Variants in ELF3 observed in about 807,000 individuals in gnomAD.
ELF3 encodes the protein ETS-related transcription factor Elf-3.
ELF3 carries 18 observed loss-of-function variants against 43.9 expected under a neutral mutation model. That is an observed-to-expected ratio of 0.41 (90% CI 0.28 to 0.61). ELF3 has a LOEUF of 0.61. Ranked by LOEUF, ELF3 falls within the 20% of genes least tolerant of loss-of-function variation. ELF3 has a pLI of 0.30. For missense variants in ELF3, 373 were observed against 487.7 expected (o/e 0.76, Z 2.21); for synonymous variants, 181 against 190.2 (o/e 0.95, Z 0.40).
In ELF3 at chr1:202,012,408, C is replaced by A. The variant is rs1474528592; in HGVS notation, c.450C>A (p.Phe150Leu). ...IELLEKDGMAFQEALDPGPFD... is the reference protein window; with the variant it reads ...IELLEKDGMALQEALDPGPFD... Reference sequence around the variant, plus strand: ...TGCTGGAGAAGGATGGCATGGCCTTCCAGGAGGCCCTAGACCCAGGGCCCT... The same window carrying A: ...TGCTGGAGAAGGATGGCATGGCCTTACAGGAGGCCCTAGACCCAGGGCCCT... Residue 150 changes from phenylalanine (F) to leucine (L), a missense_variant, in exon 4 of 9, where the codon TTC (phenylalanine) becomes TTA (leucine). By Grantham distance (22) the Phe-to-Leu change is conservative (BLOSUM62 0). Transcript: ENST00000367284. This position sits in a 1 kb window ranked among gnomAD's most constrained non-coding sequence, Gnocchi z 4.2. 6.2e-7 allele frequency: 1 copy of A among 1,614,004 alleles called. No individual in the cohort carries two copies. The highest frequency in any genetic ancestry group is 8.5e-7 in the Non-Finnish European group (1 of 1,180,012).
Position 202,013,835 on chromosome 1 carries a change from G to C in ELF3, c.812G>C (p.Arg271Thr), listed in dbSNP as rs549132954. ...ATGGAGGCTGGCCTTGCAGCGCCCAGAGGCACCCACCTGTGGGAGTTCATC... is the reference window on the plus strand; with the variant it reads ...ATGGAGGCTGGCCTTGCAGCGCCCACAGGCACCCACCTGTGGGAGTTCATC... Reference protein sequence around the residue: ...LEGKKSKHAPRGTHLWEFIRD... With the variant: ...LEGKKSKHAPTGTHLWEFIRD... The change falls in exon 8 of 9, where the codon AGA (arginine) becomes ACA (threonine). Residue 271 changes from arginine (R) to threonine (T), a missense_variant. Arg to Thr is a moderately conservative substitution (Grantham distance 71). This residue lies in a region of ELF3 where 1 missense variants were observed against 20.6 expected (regional missense o/e 0.05). Transcript: ENST00000367284. This position sits in a 1 kb window ranked among gnomAD's most constrained non-coding sequence, Gnocchi z 5.7. The C allele has an allele frequency of 6.2e-7, 1 of 1,611,122 alleles. No individual in the cohort carries two copies. Among genetic ancestry groups the C allele is most frequent in the African/African-American group, 1.3e-5 (1 of 74,970 alleles).
At chr1:202,011,418 G>A in intron 2 of ELF3, 119 bp downstream of exon 2, 1 of 1,305,072 alleles carries the variant, frequency 7.7e-7, no homozygotes, top group South Asian at 1.6e-5. Context: ...CAGGGCTAGA[G>A]GCTGAGACTT....
chr1:202,011,619 C>G, intron 2 of ELF3: 1 of 462,112 alleles, frequency 2.2e-6, no homozygotes, highest in Non-Finnish European at 3.8e-6. Context: ...CGCCTGTAAT[C>G]CCAGCACTTT....
chr1:202,012,618 A>G lies in ELF3; in HGVS notation c.479-22A>G. On this transcript the variant is annotated intron_variant, in intron 4 of 8. Transcript: ENST00000367284. The surrounding 1 kb of genome is among the most constrained non-coding windows in gnomAD (Gnocchi z 4.2). The stretch of plus-strand genomic sequence containing the variant: ...GGTCTGGTCCCCTGAGCCCTCTCTG[A>G]GTTCTCACCTCCTCTTCCCAGACCA... 6.4e-7 allele frequency: 1 copy of G among 1,564,122 alleles called. No individual in the cohort carries two copies. Among genetic ancestry groups the G allele is most frequent in the Non-Finnish European group, 8.7e-7 (1 of 1,154,944 alleles).
rs1324378932 is a variant in ELF3 at position 202,012,726 on chromosome 1, C to T, written c.565C>T (p.Pro189Ser). The T allele has an allele frequency of 1.3e-6, 2 of 1,595,162 alleles. No homozygotes were observed. Among genetic ancestry groups the T allele is most frequent in the Non-Finnish European group, 1.7e-6 (2 of 1,171,460 alleles). The stretch of plus-strand genomic sequence containing the variant: ...CCCCGGCAGCTGTGGCGCAGGAGCC[C>T]CCTCCCCTGGCAGCTCTGACGTCTC... ...YHPGSCGAGA[P>S]SPGSSDVSTA... is the part of the protein sequence containing the mutation. Residue 189 changes from proline to serine, a missense_variant, in exon 5 of 9, where the codon CCC (proline) becomes TCC (serine). Pro to Ser is a moderately conservative substitution (Grantham distance 74). Transcript: ENST00000367284. This position sits in a 1 kb window ranked among gnomAD's most constrained non-coding sequence, Gnocchi z 4.2.
rs1430234983 is a variant in ELF3, at chr1:202,012,368, G to T, written c.410G>T (p.Ser137Ile). Residue 137 changes from serine (S) to isoleucine (I), a missense_variant, in exon 4 of 9, where the codon AGT becomes ATT. Coordinates refer to ENST00000367284, the MANE Select transcript of ELF3 (RefSeq NM_004433.5). The surrounding 1 kb of genome is among the most constrained non-coding windows in gnomAD (Gnocchi z 4.2). ...DLTSSSSDELSWIIELLEKDG... is the reference protein window; with the variant it reads ...DLTSSSSDELIWIIELLEKDG... ...GCTTCCAGCTCTTCTGATGAGCTCA[G>T]TTGGATCATTGAGCTGCTGGAGAAG... 7.4e-6 allele frequency: 12 copies of T among 1,614,150 alleles called. No homozygotes were observed. The highest frequency in any genetic ancestry group is 1.0e-5 in the Non-Finnish European group (12 of 1,180,020).
chr1:202,013,528 T>C lies in ELF3; in HGVS notation c.805+230T>C, dbSNP rs1684254995. Among the ~76,000 whole-genome samples the C allele has an allele frequency of 6.6e-6, 1 of 152,154 alleles. No homozygotes were observed. Among genetic ancestry groups the C allele is most frequent in the Non-Finnish European group, 1.5e-5 (1 of 68,022 alleles). On this transcript the variant is annotated intron_variant, in intron 7 of 8. Transcript: ENST00000367284. This position sits in a 1 kb window ranked among gnomAD's most constrained non-coding sequence, Gnocchi z 5.7. The stretch of plus-strand genomic sequence containing the variant: ...AATAAGGCTCCCAGTGGGAGGCTCA[T>C]GGTACCAGAGTCCTGTCCACTGACT...
rs1684225552 is a variant in ELF3, at chr1:202,012,487, G to C, written c.478+51G>C. On this transcript the variant is annotated intron_variant, in intron 4 of 8. Coordinates refer to ENST00000367284, the MANE Select transcript of ELF3 (RefSeq NM_004433.5). The surrounding 1 kb of genome is among the most constrained non-coding windows in gnomAD (Gnocchi z 4.2). ...CCCCAGCCTGTCTTGTCCCATCCCT[G>C]CCCCTCCACAGAGTGCTAGAGATGA... 3 of 1,603,638 alleles carry C rather than the reference G, an allele frequency of 1.9e-6. No homozygotes were observed. The African/African-American group carries it at 4.0e-5, about 21-fold the overall frequency.
At chr1:202,014,352 C>T (rs1051455237) in intron 8 of ELF3, among the ~76,000 whole-genome samples, 1 of 152,228 alleles carries the variant, frequency 6.6e-6, no homozygotes. Context: ...CTCGTTGAAG[C>T]ACTTAGGTTG....
intron 2 of ELF3, chr1:202,011,563 A>G: frequency 2.0e-6 from 1 of 494,694 alleles, no homozygotes; most frequent in East Asian, 3.6e-5. Flanking sequence ...GTGAATCCCC[A>G]GTGTGCTCCA....
rs1238522394 is a variant in ELF3 at position 202,012,609 on chromosome 1, C to T, written c.479-31C>T. 3 of 1,559,622 alleles carry T rather than the reference C, an allele frequency of 1.9e-6. No homozygotes were observed. Among genetic ancestry groups the T allele is most frequent in the Middle Eastern group, 1.7e-4 (1 of 5,816 alleles). On this transcript the variant is annotated intron_variant, in intron 4 of 8. Transcript: ENST00000367284. The surrounding 1 kb of genome is among the most constrained non-coding windows in gnomAD (Gnocchi z 4.2). ...ACCTGTCCTGGTCTGGTCCCCTGAG[C>T]CCTCTCTGAGTTCTCACCTCCTCTT... is the stretch of plus-strand genomic sequence containing the variant.
In ELF3 at chr1:202,013,044, G is replaced by C; in HGVS notation, c.688+8G>C. 3.7e-6 allele frequency: 6 copies of C among 1,611,420 alleles called. No individual in the cohort carries two copies. The highest frequency in any genetic ancestry group is 1.7e-5 in the Admixed American group (1 of 59,722). Reference sequence around the variant, plus strand: ...GCAAGCTCTTCCCCAGCGGTGAGTCGAGGGAGGTCCCCAAGAGGGCGTCCC... The same window carrying C: ...GCAAGCTCTTCCCCAGCGGTGAGTCCAGGGAGGTCCCCAAGAGGGCGTCCC... On this transcript the variant is annotated splice_region_variant and intron_variant, in intron 6 of 8. Coordinates refer to ENST00000367284, the MANE Select transcript of ELF3 (RefSeq NM_004433.5). This position sits in a 1 kb window ranked among gnomAD's most constrained non-coding sequence, Gnocchi z 5.7.
intron 2 of ELF3, 63 bp from the exon 3 acceptor site, chr1:202,011,894 A>AAT: frequency 1.4e-6 from 2 of 1,475,962 alleles, no homozygotes; most frequent in Non-Finnish European, 1.8e-6. Flanking sequence ...AAAAAAAAAA[A>AAT]TGGGGCTGTA....
In ELF3 at chr1:202,012,399, C is replaced by T. The variant is rs1285713484; in HGVS notation, c.441C>T (p.Gly147=). The change falls in exon 4 of 9, where the codon GGC becomes GGT. Residue 147 remains glycine (G), a synonymous_variant. Coordinates refer to ENST00000367284, the MANE Select transcript of ELF3 (RefSeq NM_004433.5). The surrounding 1 kb of genome is among the most constrained non-coding windows in gnomAD (Gnocchi z 4.2). Reference sequence around the variant, plus strand: ...TCATTGAGCTGCTGGAGAAGGATGGCATGGCCTTCCAGGAGGCCCTAGACC... The same window carrying T: ...TCATTGAGCTGCTGGAGAAGGATGGTATGGCCTTCCAGGAGGCCCTAGACC... ...SWIIELLEKD[G]MAFQEALDPG... The T allele has an allele frequency of 6.2e-7, 1 of 1,614,130 alleles. No individual in the cohort carries two copies. The highest frequency in any genetic ancestry group is 8.5e-7 in the Non-Finnish European group (1 of 1,180,006).
intron 1 of ELF3, 68 bp from the exon 2 acceptor site, chr1:202,011,060 GT>G: frequency 6.3e-7 from 1 of 1,577,548 alleles, no homozygotes; most frequent in Non-Finnish European, 8.6e-7. Context: ...GCAAAGCAGA[GT>G]AGCTGGGAGT....
Position 202,015,430 on chromosome 1 carries a change from G to A in ELF3, c.*107G>A, listed in dbSNP as rs185865454. 106 of 1,073,424 alleles carry A rather than the reference G, an allele frequency of 9.9e-5. No homozygotes were observed. In the East Asian group the frequency reaches 2.2e-3, roughly 22 times the overall value. 66.5% of individuals were successfully genotyped at this position (1,073,424 alleles called of 1,614,324 possible). On this transcript the variant is annotated 3_prime_UTR_variant, in exon 9 of 9. Transcript: ENST00000367284. ...GCCCCTCCACTGGGGAATGCTCCCA[G>A]CTGTGCTGTGGAGAGAAGCTGATGT...
In ELF3 at chr1:202,013,633, G is replaced by A; in HGVS notation, c.806-196G>A. 1 of 650,862 alleles carries A rather than the reference G, an allele frequency of 1.5e-6. No individual in the cohort carries two copies. The highest frequency in any genetic ancestry group is 2.1e-5 in the South Asian group (1 of 47,786). The allele number at this position is 650,862 out of a possible 1,614,324, so 40.3% of individuals were successfully genotyped here. ...CTCTGGGACACCCTCAATGTGAGGA[G>A]GCAGCTGGTGGGTCTTAGGTGGGCT... On this transcript the variant is annotated intron_variant, in intron 7 of 8. Coordinates refer to ENST00000367284, the MANE Select transcript of ELF3 (RefSeq NM_004433.5). The surrounding 1 kb of genome is among the most constrained non-coding windows in gnomAD (Gnocchi z 5.7).
chr1:202,013,064 C>A lies in ELF3; in HGVS notation c.688+28C>A, dbSNP rs762257746. ...GAGTCGAGGGAGGTCCCCAAGAGGG[C>A]GTCCCATTTAGCAATGCACAGGGGG... On this transcript the variant is annotated intron_variant, in intron 6 of 8. Transcript: ENST00000367284. This position sits in a 1 kb window ranked among gnomAD's most constrained non-coding sequence, Gnocchi z 5.7. The A allele has an allele frequency of 6.2e-7, 1 of 1,606,586 alleles. No individual in the cohort carries two copies. The highest frequency in any genetic ancestry group is 8.5e-7 in the Non-Finnish European group (1 of 1,176,438).
chr1:202,013,363 G>A lies in ELF3; in HGVS notation c.805+65G>A, dbSNP rs994035773. The A allele has an allele frequency of 1.3e-6, 2 of 1,504,716 alleles. No homozygotes were observed. Among genetic ancestry groups the A allele is most frequent in the Admixed American group, 3.6e-5 (2 of 55,914 alleles). 93.2% of individuals were successfully genotyped at this position (1,504,716 alleles called of 1,614,324 possible). On this transcript the variant is annotated intron_variant, in intron 7 of 8. Coordinates refer to ENST00000367284, the MANE Select transcript of ELF3 (RefSeq NM_004433.5). The surrounding 1 kb of genome is among the most constrained non-coding windows in gnomAD (Gnocchi z 5.7). ...TGAGCGGCTTCCTGGGGCACTGCGG[G>A]TTGTTGCAGGTATCCCTTCTCCCGT...
Sources: gnomAD v4.1 joint callset for allele counts (sites outside exome capture counted in the v4.1 genomes callset) on GRCh38, gnomAD v4.1.1 for gene constraint, gnomAD v4.1.1 regional missense constraint, Gnocchi (gnomAD v3.1) non-coding constraint, MANE v1.5 for transcripts, NCBI Gene and HGNC (gene_info 2026-07-23, HGNC 2026-07-21) for gene names.